Variants in NFIB observed in about 807,000 individuals in gnomAD.
NFIB encodes the protein nuclear factor 1 B-type.
In NFIB, 11 loss-of-function variants were observed where a neutral mutation model predicts 61.5. The ratio of observed to expected loss-of-function variants is 0.18; its 90% CI spans 0.11 to 0.30. The LOEUF is 0.30. Among genes scored for constraint, NFIB ranks in the 10% least tolerant of loss-of-function variants. NFIB has a pLI of 1.00. For missense variants in NFIB, 471 were observed against 608.9 expected (o/e 0.77, Z 2.38); for synonymous variants, 260 against 216.5 (o/e 1.20, Z -1.76).
intron 7 of NFIB, 66 bp downstream of exon 7, chr9:14,125,566 G>C (rs558596660): frequency 1.9e-6 from 3 of 1,586,112 alleles, no homozygotes; most frequent in South Asian, 1.2e-5. Flanking sequence ...CTTTTGCTCC[G>C]TCCCTAAGGG....
chr9:14,519,108 C>T, the NFIB span, among the ~76,000 whole-genome samples: 1 of 152,032 alleles, frequency 6.6e-6, no homozygotes, highest in African/African-American at 2.4e-5. Context: ...TGGTGGGGTG[C>T]CTCTGTGAAA....
chr9:14,323,569 T>G (rs1212850884), intron 1 of NFIB, among the ~76,000 whole-genome samples: 1 of 152,246 alleles, frequency 6.6e-6, no homozygotes, highest in Non-Finnish European at 1.5e-5. Context: ...TGACTAATTA[T>G]GTAATTGCAC....
At chr9:14,483,026 A>C in the NFIB span, among the ~76,000 whole-genome samples, 6 of 152,218 alleles carry the variant, frequency 3.9e-5, no homozygotes, top group Non-Finnish European at 8.8e-5. Flanking sequence ...CTGCACCCAG[A>C]CAATGATCGT....
chr9:14,308,158 C>A (rs1235154906), intron 1 of NFIB: 2 of 152,232 alleles, frequency 1.3e-5, no homozygotes, highest in Non-Finnish European at 2.9e-5. Flanking sequence ...AAACGTCCAA[C>A]ATTCCAACAC....
At chr9:14,397,936 G>C (rs1423267384) in intron 1 of NFIB, among the ~76,000 whole-genome samples, 1 of 152,118 alleles carries the variant, frequency 6.6e-6, no homozygotes, top group African/African-American at 2.4e-5. Context: ...CATGTCGCCT[G>C]GGTGGTTTCC....
chr9:14,518,116 TGTTGATAAGAAAC>T, the NFIB span, among the ~76,000 whole-genome samples: 1 of 152,208 alleles, frequency 6.6e-6, no homozygotes, highest in Non-Finnish European at 1.5e-5. Flanking sequence ...ACAAATGCAG[TGTTGATAAGAAAC>T]GTTTGGGTCT....
chr9:14,490,486 T>A, the NFIB span, among the ~76,000 whole-genome samples: 1 of 152,182 alleles, frequency 6.6e-6, no homozygotes, highest in Non-Finnish European at 1.5e-5. Context: ...AAACAGCTTC[T>A]GATTGTCAAA....
rs140594154 is a variant in NFIB at position 14,278,999 on chromosome 9, G to T, written c.562+27990C>A. ...ATAAAACAGGTGTTAAAAATAAGGT[G>T]TTTCTTATCCTCAGGAATTTTTCAT... On this transcript the variant is annotated intron_variant, in intron 2 of 10. Coordinates refer to ENST00000380953, the MANE Select transcript of NFIB (RefSeq NM_001190737.2). 2.2e-3 allele frequency among the ~76,000 whole-genome samples: 341 copies of T among 152,230 alleles called. 1 individual carries two copies. The highest frequency in any genetic ancestry group is 1.9e-3 in the Non-Finnish European group (131 of 68,012).
At chr9:14,530,903 AAG>A in the NFIB span, among the ~76,000 whole-genome samples, 2 of 152,124 alleles carry the variant, frequency 1.3e-5, no homozygotes, top group African/African-American at 4.8e-5. Flanking sequence ...GGGCAAAAAG[AAG>A]AAAAAAAAAG....
At chr9:14,185,081 T>G (rs1289538460) in intron 2 of NFIB, among the ~76,000 whole-genome samples, 1 of 26,646 alleles carries the variant, frequency 3.8e-5, no homozygotes, top group African/African-American at 5.4e-5. Flanking sequence ...TTAAATATTG[T>G]TTTAAAAAAA....
chr9:14,102,334 AT>A, intron 10 of NFIB: 1 of 1,133,004 alleles, frequency 8.8e-7, no homozygotes, highest in Non-Finnish European at 1.3e-6. Flanking sequence ...TTTAACATAT[AT>A]TTTCTGTAAA....
At chr9:14,400,144 A>G (rs183729292), upstream of NFIB, among the ~76,000 whole-genome samples, 4 of 152,174 alleles carry the variant, frequency 2.6e-5, no homozygotes, top group African/African-American at 9.6e-5. Context: ...CATTCTCAAC[A>G]GTAGCTTTAT....
the NFIB span, among the ~76,000 whole-genome samples, chr9:14,417,876 G>A: frequency 1.4e-5 from 2 of 147,634 alleles, no homozygotes; most frequent in South Asian, 4.4e-4. Context: ...TGCCTCCCGA[G>A]TTCAAGTGAT....
At chr9:14,279,712 C>G (rs2058243279) in intron 2 of NFIB, among the ~76,000 whole-genome samples, 1 of 152,188 alleles carries the variant, frequency 6.6e-6, no homozygotes. Flanking sequence ...TCCTTTCACA[C>G]TCTTCATCTC....
intron 1 of NFIB, chr9:14,362,263 A>C (rs1206953000): frequency 1.3e-5 from 2 of 152,224 alleles, no homozygotes; most frequent in African/African-American, 4.8e-5. Flanking sequence ...TGCCTGGACA[A>C]TGACTTGGAA....
At chr9:14,100,030 G>C (rs997543919) in intron 10 of NFIB, among the ~76,000 whole-genome samples, 2 of 152,070 alleles carry the variant, frequency 1.3e-5, no homozygotes, top group Non-Finnish European at 2.9e-5. Flanking sequence ...ACAAGATCGT[G>C]CCACTGCACT....
At position 14,221,216 on chromosome 9, in the gene NFIB, C is replaced by T. The variant is rs576107972; in HGVS notation, c.563-41436G>A. ...GCCTTCTCCAGCTTTAAAAGTTAACCGCTCTACCTAAATTCCAGATTCCAA... is the reference window on the plus strand; with the variant it reads ...GCCTTCTCCAGCTTTAAAAGTTAACTGCTCTACCTAAATTCCAGATTCCAA... On this transcript the variant is annotated intron_variant, in intron 2 of 10. Coordinates refer to ENST00000380953, the MANE Select transcript of NFIB (RefSeq NM_001190737.2). 5.3e-5 allele frequency among the ~76,000 whole-genome samples: 8 copies of T among 152,256 alleles called. No individual in the cohort carries two copies. In the South Asian group the frequency reaches 8.3e-4, roughly 16 times the overall value.
In NFIB at chr9:14,167,327, G is replaced by C. The variant is rs1286366070; in HGVS notation, c.617-11434C>G. On this transcript the variant is annotated intron_variant, in intron 3 of 10. Coordinates refer to ENST00000380953, the MANE Select transcript of NFIB (RefSeq NM_001190737.2). ...GGAGGCCGAGGCAGGTGGATCACTTGAGTCCAGGAGCTTAAGACCAGCCTG... is the reference window on the plus strand; with the variant it reads ...GGAGGCCGAGGCAGGTGGATCACTTCAGTCCAGGAGCTTAAGACCAGCCTG... Among the ~76,000 whole-genome samples, 3 of 152,130 alleles carry C rather than the reference G, an allele frequency of 2.0e-5. No individual in the cohort carries two copies. In the East Asian group the frequency reaches 5.8e-4, roughly 29 times the overall value.
chr9:14,148,250 ATAGT>A lies in NFIB; in HGVS notation c.807-1447_807-1444del, dbSNP rs140572294. ...TGATCCTCCTACCACAGCCGCCCAA[ATAGT>A]TAGGATCACACACACATGCCACCAA... is the stretch of plus-strand genomic sequence containing the variant. On this transcript the variant is annotated intron_variant, in intron 5 of 10. Coordinates refer to ENST00000380953, the MANE Select transcript of NFIB (RefSeq NM_001190737.2). 5.2e-4 allele frequency among the ~76,000 whole-genome samples: 79 copies of A among 152,020 alleles called. No individual in the cohort carries two copies. In the East Asian group the frequency reaches 0.014, roughly 27 times the overall value.
Sources: allele counts gnomAD v4.1 joint callset (sites outside exome capture counted in the v4.1 genomes callset), GRCh38; gene constraint gnomAD v4.1.1; transcripts MANE v1.5; gene names NCBI Gene and HGNC (gene_info 2026-07-23, HGNC 2026-07-21).